The following SH3PXD2A variants were observed in gnomAD, a reference collection of about 807,000 sequenced individuals.
SH3PXD2A encodes the protein SH3 and PX domains 2A.
SH3PXD2A carries 32 observed loss-of-function variants against 115.2 expected under a neutral mutation model. The observed-to-expected ratio is 0.28, with a 90% CI of 0.21 to 0.37. The LOEUF is 0.37. Among genes scored for constraint, SH3PXD2A ranks in the 10% least tolerant of loss-of-function variants. The pLI is 1.00. For missense variants in SH3PXD2A, 1,328 were observed against 1,498.7 expected (o/e 0.89, Z 1.88); for synonymous variants, 610 against 629.1 (o/e 0.97, Z 0.45).
chr10:103,643,510 T>A (rs923410415), intron 8 of SH3PXD2A, among the ~76,000 whole-genome samples: 1 of 152,156 alleles, frequency 6.6e-6, no homozygotes, highest in African/African-American at 2.4e-5. Context: ...ACACATACAA[T>A]GAAACAATGC....
chr10:103,602,953 C>A lies in SH3PXD2A; in HGVS notation c.2265G>T (p.Ser755=). 1 of 1,614,194 alleles carries A rather than the reference C, an allele frequency of 6.2e-7. No homozygotes were observed. The highest frequency in any genetic ancestry group is 8.5e-7 in the Non-Finnish European group (1 of 1,180,032). ...GLTSCPRAKP[S]VRPKPFLNRA... is the part of the protein sequence containing the mutation. ...GGTTTAGGAATGGCTTGGGCCGGACCGATGGCTTGGCCCGGGGACAGGAGG... is the reference window on the plus strand; with the variant it reads ...GGTTTAGGAATGGCTTGGGCCGGACAGATGGCTTGGCCCGGGGACAGGAGG... The change falls in exon 15 of 15, where the codon TCG becomes TCT. Residue 755 remains serine, a synonymous_variant. Transcript: ENST00000369774.
rs57283527 is a variant in SH3PXD2A, at chr10:103,728,897, G to GTTTTTT, written c.307-4542_307-4537dup. Among the ~76,000 whole-genome samples the GTTTTTT allele has an allele frequency of 7.7e-4, 104 of 135,912 alleles. 1 individual carries two copies. The highest frequency in any genetic ancestry group is 2.7e-3 in the African/African-American group (98 of 36,856). The allele number at this position is 135,912 out of a possible 152,430, so 89.2% of individuals were successfully genotyped here. The stretch of plus-strand genomic sequence containing the variant: ...AGTTGTTTTTTTTGTTTGTTTGTTT[G>GTTTTTT]TTTTTTTTTTTTTGAGACAAAGTCT... On this transcript the variant is annotated intron_variant, in intron 4 of 14. Transcript: ENST00000369774.
rs767587154 is a variant in SH3PXD2A at position 103,603,670 on chromosome 10, C to T, written c.1548G>A (p.Thr516=). ...KKPNLSRRTS[T]LTRPKVPPPA... is the part of the protein sequence containing the mutation. ...GCGGGGGCACCTTGGGCCGGGTCAGCGTGCTTGTGCGGCGGCTCAGGTTGG... is the reference window on the plus strand; with the variant it reads ...GCGGGGGCACCTTGGGCCGGGTCAGTGTGCTTGTGCGGCGGCTCAGGTTGG... The change falls in exon 15 of 15, where the codon ACG becomes ACA. Residue 516 remains threonine (T), a synonymous_variant. Transcript: ENST00000369774. 13 of 1,606,660 alleles carry T rather than the reference C, an allele frequency of 8.1e-6. No homozygotes were observed. Among genetic ancestry groups the T allele is most frequent in the Non-Finnish European group, 9.3e-6 (11 of 1,177,332 alleles).
intron 1 of SH3PXD2A, among the ~76,000 whole-genome samples, chr10:103,813,518 A>G (rs1482806255): frequency 6.6e-6 from 1 of 151,942 alleles, no homozygotes; most frequent in African/African-American, 2.4e-5. Context: ...GGGTCTTGCT[A>G]TGTTGCCCAG....
At chr10:103,743,465 A>C (rs2038466059) in intron 3 of SH3PXD2A, among the ~76,000 whole-genome samples, 1 of 151,980 alleles carries the variant, frequency 6.6e-6, no homozygotes, top group South Asian at 2.1e-4. Flanking sequence ...ATCATGGCTC[A>C]CTTCAGCCTT....
chr10:103,827,244 G>C (rs1036242373), intron 1 of SH3PXD2A, among the ~76,000 whole-genome samples: 6 of 152,106 alleles, frequency 3.9e-5, no homozygotes, highest in African/African-American at 1.4e-4. Flanking sequence ...GGCCACTTCT[G>C]GGCGGGGCTG....
At chr10:103,792,297 C>T (rs1215355254) in intron 2 of SH3PXD2A, among the ~76,000 whole-genome samples, 2 of 152,270 alleles carry the variant, frequency 1.3e-5, no homozygotes, top group African/African-American at 4.8e-5. Context: ...AATCATTTAT[C>T]TAGAAAACCT....
intron 2 of SH3PXD2A, among the ~76,000 whole-genome samples, chr10:103,778,472 G>A (rs2038901728): frequency 6.6e-6 from 1 of 152,230 alleles, no homozygotes; most frequent in Non-Finnish European, 1.5e-5. Context: ...AATGCTTGAG[G>A]GCTGAAGTCA....
At position 103,735,747 on chromosome 10, in the gene SH3PXD2A, G is replaced by A. The variant is rs1411858796; in HGVS notation, c.291C>T (p.Ile97=). ...RDVAVKRLKP[I]DEYCRALVRL... ...ACACTCTCACCCGGCAGTATTCATC[G>A]ATGGGCTTCAGTCTCTTCACAGCTA... The change falls in exon 4 of 15, where the codon ATC becomes ATT. Residue 97 remains isoleucine, a synonymous_variant. Transcript: ENST00000369774. 5.6e-6 allele frequency: 9 copies of A among 1,607,678 alleles called. No individual in the cohort carries two copies. The highest frequency in any genetic ancestry group is 2.2e-5 in the East Asian group (1 of 44,674).
chr10:103,730,985 C>T (rs763610123), intron 4 of SH3PXD2A, among the ~76,000 whole-genome samples: 13 of 152,226 alleles, frequency 8.5e-5, no homozygotes, highest in Middle Eastern at 3.4e-3. Context: ...GGCTCAGGGG[C>T]GGAGGCCTGG....
intron 4 of SH3PXD2A, among the ~76,000 whole-genome samples, chr10:103,730,762 C>T (rs972356430): frequency 7.2e-5 from 11 of 152,054 alleles, no homozygotes; most frequent in African/African-American, 2.2e-4. Flanking sequence ...GACACAGAGA[C>T]GACAAATGTG....
intron 2 of SH3PXD2A, among the ~76,000 whole-genome samples, chr10:103,796,859 C>CTTTTT (rs11352709): frequency 1.4e-3 from 165 of 114,116 alleles, no homozygotes; most frequent in Non-Finnish European, 2.4e-3. Context: ...TTTGGAACAT[C>CTTTTT]TTTTTTTTTT....
chr10:103,694,811 G>C (rs796507030), intron 5 of SH3PXD2A, among the ~76,000 whole-genome samples: 1 of 152,164 alleles, frequency 6.6e-6, no homozygotes, highest in South Asian at 2.1e-4. Context: ...CGTTGCCTTG[G>C]AAAGGGACTA....
chr10:103,595,733 A>AT lies in SH3PXD2A; in HGVS notation c.*6082dup, dbSNP rs1298698467. Reference sequence around the variant, plus strand: ...TGTCAAGGTTAAGTGCAAACTTGAGATTTTAAAAAGACAGGATTGGGGAAG... The same window carrying AT: ...TGTCAAGGTTAAGTGCAAACTTGAGATTTTTAAAAAGACAGGATTGGGGAAG... On this transcript the variant is annotated 3_prime_UTR_variant, in exon 15 of 15. Transcript: ENST00000369774. 1 of 152,670 alleles carries AT rather than the reference A, an allele frequency of 6.6e-6. No homozygotes were observed. Among genetic ancestry groups the AT allele is most frequent in the African/African-American group, 2.4e-5 (1 of 41,444 alleles). 9.5% of individuals were successfully genotyped at this position (152,670 alleles called of 1,614,324 possible).
intron 3 of SH3PXD2A, among the ~76,000 whole-genome samples, chr10:103,743,998 C>T (rs941910306): frequency 2.0e-5 from 3 of 152,124 alleles, no homozygotes; most frequent in African/African-American, 7.2e-5. Context: ...GGGAGAAGAA[C>T]GGCGGAACAG....
At chr10:103,733,927 CTT>C (rs11302434) in intron 4 of SH3PXD2A, among the ~76,000 whole-genome samples, 4 of 150,092 alleles carry the variant, frequency 2.7e-5, no homozygotes, top group Admixed American at 2.7e-4. Context: ...TAATTTTAAA[CTT>C]TTTTTTTTGG....
intron 3 of SH3PXD2A, among the ~76,000 whole-genome samples, chr10:103,740,415 AC>A: frequency 6.6e-6 from 1 of 151,940 alleles, no homozygotes; most frequent in Middle Eastern, 3.4e-3. Context: ...GAACAGTTAA[AC>A]CCCCAAACCA....
At chr10:103,725,359 G>C (rs934822793) in intron 4 of SH3PXD2A, among the ~76,000 whole-genome samples, 1 of 152,092 alleles carries the variant, frequency 6.6e-6, no homozygotes, top group Non-Finnish European at 1.5e-5. Flanking sequence ...AGGTTTCTTA[G>C]AAGAGTGGGC....
At chr10:103,693,085 T>A in intron 5 of SH3PXD2A, 29 bp from the exon 6 acceptor site, 1 of 1,610,188 alleles carries the variant, frequency 6.2e-7, no homozygotes, top group Non-Finnish European at 8.5e-7. Context: ...CAGATAGACA[T>A]GGTTAGGGCC....
Sources: gnomAD v4.1 joint callset for allele counts (sites outside exome capture counted in the v4.1 genomes callset) on GRCh38, gnomAD v4.1.1 for gene constraint, MANE v1.5 for transcripts, NCBI Gene and HGNC (gene_info 2026-07-23, HGNC 2026-07-21) for gene names.